Variants in SLC24A2 observed in about 807,000 individuals in gnomAD.
The protein encoded by SLC24A2 is sodium/potassium/calcium exchanger 2.
A neutral mutation model predicts 62.0 loss-of-function variants in SLC24A2; 36 were observed. The observed-to-expected ratio is 0.58, with a 90% CI of 0.44 to 0.77. SLC24A2 has a LOEUF of 0.77. Among genes scored for constraint, SLC24A2 ranks in the 30% least tolerant of loss-of-function variants. SLC24A2 has a pLI of 0.00. For missense variants in SLC24A2, 846 were observed against 817.9 expected (o/e 1.03, Z -0.42); for synonymous variants, 358 against 294.0 (o/e 1.22, Z -2.23).
intron 4 of SLC24A2, among the ~76,000 whole-genome samples, chr9:19,606,643 A>C (rs1563994281): frequency 6.6e-6 from 1 of 151,862 alleles, no homozygotes; most frequent in East Asian, 1.9e-4. Flanking sequence ...AATATATGAG[A>C]ACACACACAC....
chr9:19,543,266 G>GAATACA (rs1834370935), intron 8 of SLC24A2, among the ~76,000 whole-genome samples: 1 of 152,168 alleles, frequency 6.6e-6, no homozygotes, highest in Admixed American at 6.5e-5. Context: ...TGTGGGATCA[G>GAATACA]TGGTGATATC....
the SLC24A2 span, among the ~76,000 whole-genome samples, chr9:20,307,714 T>C: frequency 6.6e-6 from 1 of 152,176 alleles, no homozygotes; most frequent in African/African-American, 2.4e-5. Flanking sequence ...AGCCAAGTGC[T>C]ACACAACTGG....
chr9:20,159,540 T>C, the SLC24A2 span, among the ~76,000 whole-genome samples: 1 of 151,516 alleles, frequency 6.6e-6, no homozygotes, highest in Non-Finnish European at 1.5e-5. Flanking sequence ...CGGTAAATGA[T>C]AGGGGTAGGG....
the SLC24A2 span, among the ~76,000 whole-genome samples, chr9:19,955,480 G>A: frequency 1.3e-5 from 2 of 150,776 alleles, no homozygotes; most frequent in African/African-American, 2.4e-5. Context: ...CAGATAAGTT[G>A]TCTTGATAAT....
chr9:20,097,933 G>A, the SLC24A2 span, among the ~76,000 whole-genome samples: 9 of 151,354 alleles, frequency 5.9e-5, no homozygotes, highest in Admixed American at 4.6e-4. Context: ...TAGTAGAGAC[G>A]GGGTTTCACC....
chr9:20,219,974 A>G, the SLC24A2 span, among the ~76,000 whole-genome samples: 1 of 152,186 alleles, frequency 6.6e-6, no homozygotes, highest in East Asian at 1.9e-4. Flanking sequence ...AGGGTTGAAA[A>G]TATCTAATGA....
At chr9:19,854,576 T>G in the SLC24A2 span, among the ~76,000 whole-genome samples, 12 of 152,218 alleles carry the variant, frequency 7.9e-5, no homozygotes, top group African/African-American at 2.7e-4. Flanking sequence ...CAGGAGCAGA[T>G]TGTTCAATTT....
chr9:19,627,458 TC>T (rs1355911257), intron 2 of SLC24A2, among the ~76,000 whole-genome samples: 8 of 152,248 alleles, frequency 5.3e-5, no homozygotes, highest in South Asian at 4.1e-4. Context: ...CAGGGTGACT[TC>T]ATTAAGCAGA....
the SLC24A2 span, among the ~76,000 whole-genome samples, chr9:19,964,614 T>C: frequency 6.6e-6 from 1 of 152,160 alleles, no homozygotes; most frequent in African/African-American, 2.4e-5. Context: ...GTCCACTTGG[T>C]TGGACTGAAC....
At chr9:19,625,844 G>A (rs1370159307) in intron 2 of SLC24A2, among the ~76,000 whole-genome samples, 8 of 151,688 alleles carry the variant, frequency 5.3e-5, no homozygotes, top group African/African-American at 1.5e-4. Flanking sequence ...CCGCCACCAC[G>A]CCCAGCTAAT....
chr9:20,167,938 C>T, the SLC24A2 span, among the ~76,000 whole-genome samples: 1 of 151,784 alleles, frequency 6.6e-6, no homozygotes, highest in Non-Finnish European at 1.5e-5. Context: ...TTACCTCTCC[C>T]TCTTGCTGTT....
chr9:19,796,445 A>C, the SLC24A2 span, among the ~76,000 whole-genome samples: 1 of 152,094 alleles, frequency 6.6e-6, no homozygotes, highest in East Asian at 1.9e-4. Flanking sequence ...CATTCTAGGA[A>C]TTTTCTGTTT....
chr9:20,184,852 C>G, the SLC24A2 span, among the ~76,000 whole-genome samples: 2 of 152,046 alleles, frequency 1.3e-5, no homozygotes, highest in Non-Finnish European at 2.9e-5. Flanking sequence ...TGGAATCAAC[C>G]TAGTGTCCAT....
At chr9:20,125,742 G>A in the SLC24A2 span, among the ~76,000 whole-genome samples, 2 of 152,184 alleles carry the variant, frequency 1.3e-5, no homozygotes, top group Admixed American at 6.5e-5. Context: ...GGAAACTCAA[G>A]TTCTGACTGT....
the SLC24A2 span, among the ~76,000 whole-genome samples, chr9:19,937,185 G>C: frequency 1.3e-5 from 2 of 152,176 alleles, no homozygotes; most frequent in Non-Finnish European, 2.9e-5. Context: ...CCCCTGGTCA[G>C]TCCATGTATA....
the SLC24A2 span, among the ~76,000 whole-genome samples, chr9:20,104,746 T>A: frequency 6.6e-6 from 1 of 152,180 alleles, no homozygotes; most frequent in Non-Finnish European, 1.5e-5. Flanking sequence ...TGCAAAATCA[T>A]GCCAAATTGT....
At chr9:20,039,818 G>T in the SLC24A2 span, among the ~76,000 whole-genome samples, 2 of 152,198 alleles carry the variant, frequency 1.3e-5, no homozygotes, top group South Asian at 2.1e-4. Context: ...GTAGGGAAGA[G>T]ATAGCAAGGA....
At chr9:19,774,777 C>T (rs1822795547) in intron 2 of SLC24A2, among the ~76,000 whole-genome samples, 1 of 152,178 alleles carries the variant, frequency 6.6e-6, no homozygotes, top group South Asian at 2.1e-4. Flanking sequence ...AAGAAGCCCT[C>T]ATTACTCCTC....
chr9:19,555,362 T>C (rs1239408469), intron 7 of SLC24A2, among the ~76,000 whole-genome samples: 1 of 152,158 alleles, frequency 6.6e-6, no homozygotes, highest in Admixed American at 6.5e-5. Context: ...AGTCATGTAA[T>C]CGATAAGATT....
Sources: allele counts gnomAD v4.1 joint callset (sites outside exome capture counted in the v4.1 genomes callset), GRCh38; gene constraint gnomAD v4.1.1; transcripts MANE v1.5; gene names NCBI Gene and HGNC (gene_info 2026-07-23, HGNC 2026-07-21).